Variants in GTF2E2 observed in about 807,000 individuals in gnomAD.
The protein encoded by GTF2E2 is general transcription factor IIE subunit 2.
GTF2E2 carries 21 observed loss-of-function variants against 40.5 expected under a neutral mutation model. The observed-to-expected ratio is 0.52, with a 90% CI of 0.37 to 0.75. GTF2E2 has a LOEUF of 0.75. GTF2E2 is among the 30% of genes least tolerant of loss of function. The probability of loss-of-function intolerance (pLI) is 0.00; values close to 1 mark genes in which losing one functional copy is unlikely to be tolerated. For synonymous variants in GTF2E2, 117 were observed against 121.6 expected (o/e 0.96, Z 0.25); for missense variants, 298 against 338.4 (o/e 0.88, Z 0.94).
At chr8:30,648,509 G>A (rs1266655908) in intron 2 of GTF2E2, among the ~76,000 whole-genome samples, 1 of 152,178 alleles carries the variant, frequency 6.6e-6, no homozygotes, top group Non-Finnish European at 1.5e-5. Flanking sequence ...AATATTTCCA[G>A]CTCTCTTCAT....
At position 30,580,366 on chromosome 8, in the gene GTF2E2, AC is replaced by A; in HGVS notation, c.673del (p.Val225Ter). 6.3e-7 allele frequency: 1 copy of A among 1,596,150 alleles called. No individual in the cohort carries two copies. The highest frequency in any genetic ancestry group is 8.6e-7 in the Non-Finnish European group (1 of 1,163,590). ...AATTTTCTCCTCGTCCATGGAATCT[AC>A]AGTGACACTCCTCCACAGTTTCTGA... is the stretch of plus-strand genomic sequence containing the variant. ...EFQKLWRSVT[V>X]DSMDEEKIEE... is the part of the protein sequence containing the mutation. On this transcript the variant is annotated frameshift_variant, in exon 7 of 8. Transcript: ENST00000355904. LOFTEE classifies it high-confidence loss of function.
Position 30,653,447 on chromosome 8 carries a change from G to T in GTF2E2, c.152C>A (p.Ser51Tyr). Residue 51 changes from serine (S) to tyrosine (Y), a missense_variant, in exon 2 of 8, where the codon TCT (serine) becomes TAT (tyrosine). Ser to Tyr is a moderately radical substitution (Grantham distance 144). Coordinates refer to ENST00000355904, the MANE Select transcript of GTF2E2 (RefSeq NM_002095.6). Reference protein sequence around the residue: ...TKVEHGGSSGSKQNSDHSNGS... With the variant: ...TKVEHGGSSGYKQNSDHSNGS... ...ATTTTACTAACCAGAATTTTGTTTA[G>T]AGCCTGACGATCCTCCATGTTCTAC... is the stretch of plus-strand genomic sequence containing the variant. 1 of 1,613,026 alleles carries T rather than the reference G, an allele frequency of 6.2e-7. No homozygotes were observed. The highest frequency in any genetic ancestry group is 8.5e-7 in the Non-Finnish European group (1 of 1,179,442).
At position 30,614,718 on chromosome 8, in the gene GTF2E2, A is replaced by G; in HGVS notation, c.259-3T>C. On this transcript the variant is annotated splice_region_variant and splice_polypyrimidine_tract_variant and intron_variant, in intron 3 of 7. Coordinates refer to ENST00000355904, the MANE Select transcript of GTF2E2 (RefSeq NM_002095.6). ...GTATCTCCTCGCTGATGCCGTGTCT[A>G]TCAAGTGAAGAAATTGTTATTAGAA... 6.5e-7 allele frequency: 1 copy of G among 1,549,830 alleles called. No individual in the cohort carries two copies. Among genetic ancestry groups the G allele is most frequent in the Non-Finnish European group, 8.9e-7 (1 of 1,126,656 alleles).
chr8:30,614,021 A>G (rs1189402203), intron 4 of GTF2E2, among the ~76,000 whole-genome samples: 3 of 152,222 alleles, frequency 2.0e-5, no homozygotes, highest in Non-Finnish European at 1.5e-5. Flanking sequence ...TTCCTAAAAC[A>G]AAAACAATTC....
At chr8:30,594,718 C>T (rs1012734757) in intron 6 of GTF2E2, among the ~76,000 whole-genome samples, 4 of 151,768 alleles carry the variant, frequency 2.6e-5, no homozygotes, top group African/African-American at 7.3e-5. Flanking sequence ...ATTAGACGGG[C>T]GTGGTGGTGT....
At chr8:30,598,091 T>C (rs1197600146) in intron 6 of GTF2E2, among the ~76,000 whole-genome samples, 1 of 152,254 alleles carries the variant, frequency 6.6e-6, no homozygotes, top group Non-Finnish European at 1.5e-5. Flanking sequence ...CTTTAGAATA[T>C]GTATTACATA....
intron 6 of GTF2E2, chr8:30,597,239 T>C (rs1829036160): frequency 1.3e-5 from 2 of 152,216 alleles, no homozygotes; most frequent in Admixed American, 6.5e-5. Flanking sequence ...TTTTTTCTGT[T>C]CTCTTTCCAC....
At chr8:30,584,228 T>C (rs1828607384) in intron 6 of GTF2E2, among the ~76,000 whole-genome samples, 2 of 152,216 alleles carry the variant, frequency 1.3e-5, no homozygotes, top group South Asian at 4.2e-4. Flanking sequence ...TTTTTCTTCT[T>C]TCTCTCACTT....
intron 4 of GTF2E2, among the ~76,000 whole-genome samples, 163 bp downstream of exon 4, chr8:30,614,443 CGT>C (rs1335608093): frequency 2.6e-5 from 4 of 152,016 alleles, no homozygotes; most frequent in African/African-American, 9.6e-5. Context: ...AGCCTGGTAT[CGT>C]GGCACATGCC....
intron 2 of GTF2E2, among the ~76,000 whole-genome samples, chr8:30,652,296 G>A (rs1469288917): frequency 6.6e-6 from 1 of 152,038 alleles, no homozygotes; most frequent in African/African-American, 2.4e-5. Context: ...GCACTTGCTT[G>A]GAGAAAATAT....
At position 30,603,728 on chromosome 8, in the gene GTF2E2, AAAAT is replaced by A. The variant is rs1383544181; in HGVS notation, c.643+3325_643+3328del. ...GTCACTGCTTAGATCAAGTAGTCAA[AAAAT>A]AAATATGTATGTAGATGATGATCTG... On this transcript the variant is annotated intron_variant, in intron 6 of 7. Coordinates refer to ENST00000355904, the MANE Select transcript of GTF2E2 (RefSeq NM_002095.6). Among the ~76,000 whole-genome samples, 8 of 152,198 alleles carry A rather than the reference AAAAT, an allele frequency of 5.3e-5. No homozygotes were observed. In the East Asian group the frequency reaches 1.5e-3, roughly 29 times the overall value.
intron 3 of GTF2E2, among the ~76,000 whole-genome samples, chr8:30,630,841 G>A (rs908120910): frequency 1.3e-5 from 2 of 151,956 alleles, no homozygotes; most frequent in Non-Finnish European, 1.5e-5. Flanking sequence ...GCCCCTGCTG[G>A]AACATTCTAA....
At chr8:30,625,814 G>T (rs546704583) in intron 3 of GTF2E2, among the ~76,000 whole-genome samples, 1 of 152,088 alleles carries the variant, frequency 6.6e-6, no homozygotes, top group Non-Finnish European at 1.5e-5. Context: ...GGCCAGGCTG[G>T]TCTCAAACTC....
At chr8:30,638,066 C>T (rs1585993176) in intron 2 of GTF2E2, among the ~76,000 whole-genome samples, 2 of 152,232 alleles carry the variant, frequency 1.3e-5, no homozygotes. Context: ...CCTCTTCCAA[C>T]TTGCAGAGCT....
chr8:30,598,817 TTTTC>T (rs1335738845), intron 6 of GTF2E2, among the ~76,000 whole-genome samples: 1 of 152,194 alleles, frequency 6.6e-6, no homozygotes, highest in Non-Finnish European at 1.5e-5. Flanking sequence ...AATAACCTGG[TTTTC>T]TTTAATTTTA....
At chr8:30,654,686 T>A (rs1201365136) in intron 1 of GTF2E2, among the ~76,000 whole-genome samples, 3 of 152,144 alleles carry the variant, frequency 2.0e-5, no homozygotes, top group Admixed American at 6.5e-5. Flanking sequence ...ATTACAAACA[T>A]GAGCCACTGC....
At chr8:30,624,498 C>CT (rs1202221287) in intron 3 of GTF2E2, among the ~76,000 whole-genome samples, 1 of 152,074 alleles carries the variant, frequency 6.6e-6, no homozygotes, top group African/African-American at 2.4e-5. Flanking sequence ...AATGCGGGCT[C>CT]TTTTTTGGTT....
intron 1 of GTF2E2, among the ~76,000 whole-genome samples, chr8:30,656,714 A>C (rs1199750545): frequency 4.6e-5 from 7 of 150,950 alleles, no homozygotes; most frequent in Non-Finnish European, 1.0e-4. Context: ...AGGCTGAGGC[A>C]GGAGAATCGC....
Position 30,578,909 on chromosome 8 carries a change from C to A in GTF2E2, c.*12G>T. On this transcript the variant is annotated 3_prime_UTR_variant, in exon 8 of 8. Coordinates refer to ENST00000355904, the MANE Select transcript of GTF2E2 (RefSeq NM_002095.6). Reference sequence around the variant, plus strand: ...GTGTATCTGTAACTCTGTTCCAGGGCAAAACTGTTCCCTATTTGCTGGAAG... The same window carrying A: ...GTGTATCTGTAACTCTGTTCCAGGGAAAAACTGTTCCCTATTTGCTGGAAG... 2.3e-6 allele frequency: 3 copies of A among 1,320,736 alleles called. No individual in the cohort carries two copies. The highest frequency in any genetic ancestry group is 3.3e-6 in the Non-Finnish European group (3 of 912,014). 81.8% of individuals were successfully genotyped at this position (1,320,736 alleles called of 1,614,324 possible). A position where few individuals can be genotyped will look rare whatever the true frequency, so the allele number is the denominator to read the frequency against.
Sources: gnomAD v4.1 joint callset for allele counts (sites outside exome capture counted in the v4.1 genomes callset) on GRCh38, gnomAD v4.1.1 for gene constraint, MANE v1.5 for transcripts, NCBI Gene and HGNC (gene_info 2026-07-23, HGNC 2026-07-21) for gene names.